Variants in RORA observed in about 807,000 individuals in gnomAD.
The protein encoded by RORA is RAR related orphan receptor A.
RORA carries 7 observed loss-of-function variants against 69.5 expected under a neutral mutation model. The ratio of observed to expected loss-of-function variants is 0.10; its 90% CI spans 0.06 to 0.19. The LOEUF (loss-of-function observed/expected upper bound fraction) is 0.19. Among genes scored for constraint, RORA ranks in the 10% least tolerant of loss-of-function variants. The pLI, the probability that RORA is intolerant of heterozygous loss-of-function variation, is 1.00. For missense variants in RORA, 457 were observed against 663.0 expected (o/e 0.69, Z 3.41); for synonymous variants, 261 against 240.8 (o/e 1.08, Z -0.78).
chr15:61,099,071 A>G (rs922943398), intron 1 of RORA, among the ~76,000 whole-genome samples: 1 of 152,236 alleles, frequency 6.6e-6, no homozygotes, highest in Non-Finnish European at 1.5e-5. Flanking sequence ...CTTTACCTAG[A>G]AGGAGTAATT....
chr15:60,778,446 A>T (rs2072206320), intron 1 of RORA, among the ~76,000 whole-genome samples: 1 of 152,060 alleles, frequency 6.6e-6, no homozygotes. Flanking sequence ...CTAACCCCAT[A>T]CTACAGCCCA....
chr15:60,517,787 TGA>T, intron 3 of RORA, among the ~76,000 whole-genome samples: 1 of 152,330 alleles, frequency 6.6e-6, no homozygotes, highest in Non-Finnish European at 1.5e-5. Flanking sequence ...TAGCTGAAGT[TGA>T]GTTTTGTTTG....
In RORA at chr15:60,493,531, A is replaced by G. The variant is rs2065089294; in HGVS notation, c.*3924T>C. 6.6e-6 allele frequency: 1 copy of G among 152,194 alleles called. No individual in the cohort carries two copies. The highest frequency in any genetic ancestry group is 1.9e-4 in the East Asian group (1 of 5,194). 9.4% of individuals were successfully genotyped at this position (152,194 alleles called of 1,614,324 possible). ...GAATGTCGGAACACAACAACTAGCT[A>G]TTCCTTAGTCTAAAACTAAAAACAC... On this transcript the variant is annotated 3_prime_UTR_variant, in exon 11 of 11. Coordinates refer to ENST00000335670, the MANE Select transcript of RORA (RefSeq NM_134261.3).
chr15:60,850,708 C>T (rs1160909949), intron 1 of RORA, among the ~76,000 whole-genome samples: 2 of 152,166 alleles, frequency 1.3e-5, no homozygotes, highest in Non-Finnish European at 2.9e-5. Context: ...TAGTCACCTG[C>T]CCATCAACTT....
At chr15:60,890,404 G>A (rs1280964382) in intron 1 of RORA, among the ~76,000 whole-genome samples, 3 of 152,184 alleles carry the variant, frequency 2.0e-5, no homozygotes, top group Non-Finnish European at 4.4e-5. Flanking sequence ...GAAATTGCAT[G>A]CTTGCCATCA....
intron 1 of RORA, among the ~76,000 whole-genome samples, chr15:61,120,753 C>T (rs2079095518): frequency 1.4e-5 from 2 of 147,332 alleles, no homozygotes; most frequent in Admixed American, 1.4e-4. Flanking sequence ...TATTTTTAAA[C>T]ATGAATCAAA....
intron 1 of RORA, among the ~76,000 whole-genome samples, chr15:60,919,227 G>A (rs1487795990): frequency 1.3e-5 from 2 of 152,152 alleles, no homozygotes; most frequent in Non-Finnish European, 2.9e-5. Flanking sequence ...CACTGGGCAT[G>A]GGGAGGAGAA....
At chr15:60,664,422 T>C (rs543742051) in intron 2 of RORA, among the ~76,000 whole-genome samples, 12 of 152,190 alleles carry the variant, frequency 7.9e-5, no homozygotes, top group Non-Finnish European at 1.5e-4. Context: ...CACTGTGCTA[T>C]TAAAGACTCC....
intron 1 of RORA, among the ~76,000 whole-genome samples, chr15:60,838,549 C>T (rs1227610418): frequency 6.6e-6 from 1 of 152,122 alleles, no homozygotes; most frequent in African/African-American, 2.4e-5. Context: ...ACTGAAAGAC[C>T]CCTCTTTCTG....
intron 1 of RORA, among the ~76,000 whole-genome samples, chr15:61,148,338 AG>A (rs530529364): frequency 5.2e-4 from 79 of 152,212 alleles, no homozygotes; most frequent in Non-Finnish European, 9.4e-4. Flanking sequence ...CAGGTGCCTA[AG>A]GTACATCCAA....
At chr15:60,505,399 C>A in intron 6 of RORA, 109 bp downstream of exon 6, 1 of 1,089,862 alleles carries the variant, frequency 9.2e-7, no homozygotes, top group South Asian at 1.5e-5. Context: ...AAACAGAAAC[C>A]TGATGACATT....
chr15:60,693,277 C>T (rs2070855484), intron 1 of RORA, among the ~76,000 whole-genome samples: 1 of 152,172 alleles, frequency 6.6e-6, no homozygotes, highest in Non-Finnish European at 1.5e-5. Flanking sequence ...TCTCAATTAA[C>T]TAGGTGTTCA....
chr15:61,165,673 G>A (rs958307493), intron 1 of RORA, among the ~76,000 whole-genome samples: 7 of 152,184 alleles, frequency 4.6e-5, no homozygotes, highest in Non-Finnish European at 1.0e-4. Context: ...GGAAACACAG[G>A]AACATGACTA....
Position 61,203,225 on chromosome 15 carries a change from C to T in RORA, c.166+25828G>A, listed in dbSNP as rs540489497. ...ACTTAAAATTACACAAAGGACATGA[C>T]ACAAAAGAACACATTTGGCATGTTT... On this transcript the variant is annotated intron_variant, in intron 1 of 10. Transcript: ENST00000335670. Among the ~76,000 whole-genome samples, 27 of 152,218 alleles carry T rather than the reference C, an allele frequency of 1.8e-4. No individual in the cohort carries two copies. In the South Asian group the frequency reaches 5.6e-3, roughly 32 times the overall value.
At chr15:60,707,271 AG>A (rs1469782857) in intron 1 of RORA, among the ~76,000 whole-genome samples, 9 of 152,230 alleles carry the variant, frequency 5.9e-5, no homozygotes, top group Admixed American at 5.9e-4. Flanking sequence ...CTCTGACTCT[AG>A]CTTGCCCCTC....
intron 1 of RORA, among the ~76,000 whole-genome samples, chr15:61,215,725 T>C (rs1391737801): frequency 6.6e-6 from 1 of 152,226 alleles, no homozygotes; most frequent in Non-Finnish European, 1.5e-5. Flanking sequence ...ACAGAACCAA[T>C]TATTTTTGTT....
At chr15:60,808,623 G>A (rs1489207965) in intron 1 of RORA, among the ~76,000 whole-genome samples, 1 of 151,376 alleles carries the variant, frequency 6.6e-6, no homozygotes, top group Admixed American at 6.6e-5. Flanking sequence ...CACGTTTATA[G>A]CGGCACATTT....
At chr15:61,167,482 ATTTTTTTTTTTTTTTTTTT>A (rs199752865) in intron 1 of RORA, among the ~76,000 whole-genome samples, 2,808 of 133,650 alleles carry the variant, frequency 0.021, 56 homozygotes, top group Middle Eastern at 0.041. Flanking sequence ...TTTGACCAGG[ATTTTTTTTTTTTTTTTTTT>A]TTTTTTTTTT....
intron 1 of RORA, among the ~76,000 whole-genome samples, chr15:60,780,465 C>T (rs554419245): frequency 1.2e-4 from 19 of 152,250 alleles, no homozygotes; most frequent in African/African-American, 4.1e-4. Context: ...AAGAATCAGG[C>T]GAGCTTCTCC....
Sources: allele counts gnomAD v4.1 joint callset (sites outside exome capture counted in the v4.1 genomes callset), GRCh38; gene constraint gnomAD v4.1.1; transcripts MANE v1.5; gene names NCBI Gene and HGNC (gene_info 2026-07-23, HGNC 2026-07-21).